Variants in PLCG2 observed in about 807,000 individuals in gnomAD.
PLCG2 encodes phospholipase C gamma 2, also known as 1-phosphatidylinositol 4,5-bisphosphate phosphodiesterase gamma-2.
A neutral mutation model predicts 175.6 loss-of-function variants in PLCG2; 69 were observed. The ratio of observed to expected loss-of-function variants is 0.39; its 90% CI spans 0.32 to 0.48. The LOEUF is 0.48. Ranked by LOEUF, PLCG2 falls within the 20% of genes least tolerant of loss-of-function variation. PLCG2 has a pLI of 0.91. For synonymous variants in PLCG2, 827 were observed against 624.0 expected, an observed-to-expected ratio of 1.33 and a Z score of -4.85; for missense variants, 1,798 against 1,650.9, an observed-to-expected ratio of 1.09 and a Z score of -1.54.
At chr16:81,851,877 C>T (rs1279712826) in intron 2 of PLCG2, among the ~76,000 whole-genome samples, 1 of 152,226 alleles carries the variant, frequency 6.6e-6, no homozygotes, top group African/African-American at 2.4e-5. Context: ...GGTAAGAACT[C>T]AGAAAGCTTT....
chr16:81,823,692 A>AT lies in PLCG2; in HGVS notation c.194-30738dup, dbSNP rs546942391. Among the ~76,000 whole-genome samples the AT allele has an allele frequency of 9.7e-3, 1,409 of 144,802 alleles. 22 individuals carry two copies. The highest frequency in any genetic ancestry group is 0.029 in the African/African-American group (1,151 of 39,296). The allele number at this position is 144,802 out of a possible 152,430, so 95.0% of individuals were successfully genotyped here. On this transcript the variant is annotated intron_variant, in intron 2 of 32. Transcript: ENST00000564138. The stretch of plus-strand genomic sequence containing the variant: ...AGATGTGCACCACCATGCCCAGCTA[A>AT]TTTTTTTTTTTTTTCCCTGTAGAGA...
chr16:81,895,667 C>G, intron 12 of PLCG2, 140 bp from the exon 13 acceptor site: 1 of 850,370 alleles, frequency 1.2e-6, no homozygotes, highest in Non-Finnish European at 1.9e-6. Flanking sequence ...CAGGGAAAGC[C>G]ATGTCCTCGT....
chr16:81,850,679 G>A (rs74029258), intron 2 of PLCG2, among the ~76,000 whole-genome samples: 165 of 152,312 alleles, frequency 1.1e-3, no homozygotes, highest in African/African-American at 3.7e-3. Context: ...AAAGTAGGCA[G>A]GGAGTGATAT....
chr16:81,805,032 G>T (rs1342077280), intron 2 of PLCG2, among the ~76,000 whole-genome samples: 1 of 152,122 alleles, frequency 6.6e-6, no homozygotes, highest in Non-Finnish European at 1.5e-5. Context: ...TCAGTGATTT[G>T]CCCAAGGTTA....
At chr16:81,773,951 G>A (rs564393866) in intron 2 of PLCG2, among the ~76,000 whole-genome samples, 12 of 152,040 alleles carry the variant, frequency 7.9e-5, no homozygotes, top group African/African-American at 2.9e-4. Context: ...TGGAGCCTGG[G>A]AGTGCCTGGC....
intron 25 of PLCG2, among the ~76,000 whole-genome samples, 171 bp downstream of exon 25, chr16:81,931,825 G>A (rs1910514716): frequency 6.6e-6 from 1 of 152,194 alleles, no homozygotes; most frequent in Non-Finnish European, 1.5e-5. Flanking sequence ...TTGTTAGAGA[G>A]AGGCAGGGAT....
In PLCG2 at chr16:81,912,826, C is replaced by T. The variant is rs546317629; in HGVS notation, c.2054+110C>T. On this transcript the variant is annotated intron_variant, in intron 19 of 32. Coordinates refer to ENST00000564138, the MANE Select transcript of PLCG2 (RefSeq NM_002661.5). ...AGGCTCACCTGCAGTGCCCTGCCCC[C>T]CCAGCATCAGCGACAACAACAACCA... The T allele has an allele frequency of 1.3e-5, 17 of 1,312,784 alleles. No individual in the cohort carries two copies. The African/African-American group carries it at 1.5e-4, about 12-fold the overall frequency. The allele number at this position is 1,312,784 out of a possible 1,614,324, so 81.3% of individuals were successfully genotyped here. A position where few individuals can be genotyped will look rare whatever the true frequency, so the allele number is the denominator to read the frequency against.
At chr16:81,883,450 C>A in intron 9 of PLCG2, 109 bp downstream of exon 9, 1 of 819,180 alleles carries the variant, frequency 1.2e-6, no homozygotes, top group South Asian at 1.5e-5. Context: ...GCTCACCTGG[C>A]CACCTGTGCT....
chr16:81,782,903 G>C (rs1317615451), intron 1 of PLCG2, among the ~76,000 whole-genome samples: 1 of 152,228 alleles, frequency 6.6e-6, no homozygotes, highest in East Asian at 1.9e-4. Context: ...GCCACTGCAG[G>C]TGAGAGTGTA....
rs528095958 is a variant in PLCG2, at chr16:81,794,501, A to G, written c.193+8319A>G. 2.0e-5 allele frequency among the ~76,000 whole-genome samples: 3 copies of G among 152,260 alleles called. No homozygotes were observed. The South Asian group carries it at 6.2e-4, about 32-fold the overall frequency. On this transcript the variant is annotated intron_variant, in intron 2 of 32. Coordinates refer to ENST00000564138, the MANE Select transcript of PLCG2 (RefSeq NM_002661.5). ...CCATAAATGTATTTGCCTTTCAGTT[A>G]CTGGTATGCGGTGATGGTATAAAGA...
chr16:81,932,953 A>AG (rs981576949), intron 25 of PLCG2, among the ~76,000 whole-genome samples: 11 of 152,156 alleles, frequency 7.2e-5, no homozygotes, highest in Non-Finnish European at 1.3e-4. Context: ...TCTGAGGCAC[A>AG]GGGAGGTGCC....
At chr16:81,810,954 G>C (rs1397769627) in intron 2 of PLCG2, among the ~76,000 whole-genome samples, 4 of 152,208 alleles carry the variant, frequency 2.6e-5, no homozygotes, top group Non-Finnish European at 5.9e-5. Flanking sequence ...TTATGCACCT[G>C]AGAAGCAGCC....
In PLCG2 at chr16:81,908,586, C is replaced by T. The variant is rs752046259; in HGVS notation, c.1728C>T (p.Ser576=). 6.2e-7 allele frequency: 1 copy of T among 1,608,028 alleles called. No homozygotes were observed. Among genetic ancestry groups the T allele is most frequent in the South Asian group, 1.1e-5 (1 of 90,344 alleles). Residue 576 remains serine, a synonymous_variant, in exon 17 of 33, where the codon TCC becomes TCT. Transcript: ENST00000564138. ...SETFPNDYTL[S]FWRSGRVQHC... is the part of the protein sequence containing the mutation. ...CCTTCCCCAATGACTACACCCTGTC[C>T]TTCTGGTAATGCCCCCGACCCAGGG...
chr16:81,873,642 G>T (rs960691306), intron 7 of PLCG2, among the ~76,000 whole-genome samples: 1 of 151,840 alleles, frequency 6.6e-6, no homozygotes, highest in Non-Finnish European at 1.5e-5. Context: ...AATAAGATTT[G>T]CACATGGCTG....
chr16:81,935,073 A>G lies in PLCG2; in HGVS notation c.2842+542A>G, dbSNP rs145825783. ...GTGGGTGGATTTAGTTCTTACTGCC[A>G]TTACCACAAACTTGGTGGCTGAAAA... On this transcript the variant is annotated intron_variant, in intron 26 of 32. Coordinates refer to ENST00000564138, the MANE Select transcript of PLCG2 (RefSeq NM_002661.5). 2.8e-3 allele frequency among the ~76,000 whole-genome samples: 419 copies of G among 152,322 alleles called. 1 individual carries two copies. Among genetic ancestry groups the G allele is most frequent in the Middle Eastern group, 0.014 (4 of 294 alleles).
chr16:81,894,666 A>T (rs1426043781), intron 12 of PLCG2, among the ~76,000 whole-genome samples: 1 of 152,154 alleles, frequency 6.6e-6, no homozygotes, highest in Non-Finnish European at 1.5e-5. Flanking sequence ...TGAGATCAGG[A>T]GCTTGAGATC....
intron 2 of PLCG2, among the ~76,000 whole-genome samples, chr16:81,757,947 A>T (rs781076868): frequency 1.3e-5 from 2 of 152,038 alleles, no homozygotes; most frequent in African/African-American, 2.4e-5. Flanking sequence ...TTCACTTAGC[A>T]TCATGTGCTG....
chr16:81,748,690 G>A (rs576771908), intron 1 of PLCG2, among the ~76,000 whole-genome samples: 1 of 152,220 alleles, frequency 6.6e-6, no homozygotes, highest in South Asian at 2.1e-4. Context: ...AGCACTTGTG[G>A]TCAGAAAACC....
Position 81,910,673 on chromosome 16 carries a change from G to C in PLCG2, c.1887G>C (p.Leu629=), listed in dbSNP as rs1473233925. 8 of 1,612,922 alleles carry C rather than the reference G, an allele frequency of 5.0e-6. No individual in the cohort carries two copies. Among genetic ancestry groups the C allele is most frequent in the Non-Finnish European group, 5.9e-6 (7 of 1,180,004 alleles). ...ACCTGCGCTGCGCCGAGTTCGAGCT[G>C]CGGCTCACGGACCCTGTGCCCAACC... ...ETHLRCAEFE[L]RLTDPVPNPN... is the part of the protein sequence containing the mutation. Residue 629 remains leucine (L), a synonymous_variant, in exon 18 of 33, where the codon CTG becomes CTC. Coordinates refer to ENST00000564138, the MANE Select transcript of PLCG2 (RefSeq NM_002661.5).
Sources: gnomAD v4.1 joint callset for allele counts (sites outside exome capture counted in the v4.1 genomes callset) on GRCh38, gnomAD v4.1.1 for gene constraint, MANE v1.5 for transcripts, NCBI Gene and HGNC (gene_info 2026-07-23, HGNC 2026-07-21) for gene names.